The following GOLPH3L variants were observed in gnomAD, a reference collection of about 807,000 sequenced individuals.
GOLPH3L encodes the protein golgi phosphoprotein 3 like.
Under a neutral mutation model 30.3 loss-of-function variants are expected in GOLPH3L, and 22 were observed. The observed-to-expected ratio is 0.73, with a 90% CI of 0.52 to 1.04. The LOEUF is 1.04. Ranked by LOEUF, GOLPH3L falls within the 50% of genes least tolerant of loss-of-function variation. GOLPH3L has a pLI of 0.00. For synonymous variants in GOLPH3L, 120 were observed against 128.2 expected, an observed-to-expected ratio of 0.94 and a Z score of 0.43; for missense variants, 303 against 345.8, an observed-to-expected ratio of 0.88 and a Z score of 0.98.
chr1:150,664,897 G>T (rs1650461012), intron 2 of GOLPH3L, among the ~76,000 whole-genome samples: 3 of 152,006 alleles, frequency 2.0e-5, no homozygotes, highest in Admixed American at 2.0e-4. Flanking sequence ...TGTTATGAGG[G>T]TTACATGAGA....
rs759419804 is a variant in GOLPH3L, at chr1:150,663,648, C to T, written c.299G>A (p.Arg100Gln). 1.5e-5 allele frequency: 25 copies of T among 1,613,090 alleles called. No individual in the cohort carries two copies. Among genetic ancestry groups the T allele is most frequent in the East Asian group, 2.2e-5 (1 of 44,846 alleles). Residue 100 changes from arginine (R) to glutamine (Q), a missense_variant, in exon 3 of 5, where the codon CGA becomes CAA. Arg to Gln is a conservative substitution (Grantham distance 43, BLOSUM62 1). Transcript: ENST00000271732. ...YLEPPTMRKK[R>Q]LLDRKVLLKS... ...ATTCAGTACCTTTCTGTCTAGTAGT[C>T]GCTTCTTACGCATGGTCGGGGGTTC...
intron 2 of GOLPH3L, among the ~76,000 whole-genome samples, chr1:150,689,177 G>A (rs587728385): frequency 6.6e-6 from 1 of 152,158 alleles, no homozygotes; most frequent in South Asian, 2.1e-4. Context: ...TTCACAGTAA[G>A]TAGTAAGTAT....
rs1030119536 is a variant in GOLPH3L at position 150,695,140 on chromosome 1, C to T, written c.-12-290G>A. Among the ~76,000 whole-genome samples the T allele has an allele frequency of 1.1e-4, 17 of 151,764 alleles. 1 individual carries two copies. The highest frequency in any genetic ancestry group is 6.8e-3 in the Middle Eastern group (2 of 294). On this transcript the variant is annotated intron_variant, in intron 1 of 4. Transcript: ENST00000271732. ...CCTGTTGACTTCTTTTTTTCTTTTTCTTCTTCTTTTCTTGAGAGGGAGTCT... is the reference window on the plus strand; with the variant it reads ...CCTGTTGACTTCTTTTTTTCTTTTTTTTCTTCTTTTCTTGAGAGGGAGTCT...
intron 3 of GOLPH3L, among the ~76,000 whole-genome samples, chr1:150,662,254 G>A (rs1650383664): frequency 6.6e-6 from 1 of 152,098 alleles, no homozygotes; most frequent in African/African-American, 2.4e-5. Context: ...GCTCATGCCT[G>A]TAATCTTAGC....
intron 4 of GOLPH3L, among the ~76,000 whole-genome samples, chr1:150,654,529 A>G (rs1427059457): frequency 6.6e-6 from 1 of 152,080 alleles, no homozygotes; most frequent in Admixed American, 6.6e-5. Flanking sequence ...ACAAAAAAAC[A>G]AAAAACGAAA....
At position 150,696,991 on chromosome 1, in the gene GOLPH3L, C is replaced by A. The variant is rs1266458870; in HGVS notation, c.-13+1G>T. 6.6e-6 allele frequency: 1 copy of A among 151,902 alleles called. No individual in the cohort carries two copies. The highest frequency in any genetic ancestry group is 1.9e-4 in the East Asian group (1 of 5,186). The allele number at this position is 151,902 out of a possible 1,614,324, so 9.4% of individuals were successfully genotyped here. On this transcript the variant is annotated splice_donor_variant, in intron 1 of 4. Transcript: ENST00000271732. LOFTEE classifies it low-confidence loss of function (5UTR_SPLICE). ...GGAAATGTAATTTTCTCGTTGCTTA[C>A]CTGATGTTACTCCTGGGTTATGGCT...
intron 4 of GOLPH3L, among the ~76,000 whole-genome samples, chr1:150,660,258 T>C (rs988839661): frequency 6.6e-6 from 1 of 151,688 alleles, no homozygotes; most frequent in African/African-American, 2.4e-5. Context: ...ATGTCTATAA[T>C]TAAAAAAAAG....
intron 1 of GOLPH3L, among the ~76,000 whole-genome samples, chr1:150,696,782 C>T (rs894094994): frequency 6.1e-3 from 12 of 1,966 alleles, no homozygotes; most frequent in Non-Finnish European, 0.012. Flanking sequence ...TAAACCTTCG[C>T]GGGGCAGGGG....
chr1:150,674,143 C>T (rs1426606046), intron 2 of GOLPH3L, among the ~76,000 whole-genome samples: 1 of 151,938 alleles, frequency 6.6e-6, no homozygotes, highest in East Asian at 1.9e-4. Flanking sequence ...ATTTAGCCAT[C>T]TTAAGGGACA....
intron 2 of GOLPH3L, among the ~76,000 whole-genome samples, chr1:150,675,925 C>T (rs966445757): frequency 6.6e-6 from 1 of 151,088 alleles, no homozygotes; most frequent in African/African-American, 2.4e-5. Flanking sequence ...AACACAACCC[C>T]AATTTTTTTT....
intron 4 of GOLPH3L, among the ~76,000 whole-genome samples, chr1:150,651,782 G>A (rs587632495): frequency 6.6e-6 from 1 of 151,054 alleles, no homozygotes; most frequent in African/African-American, 2.4e-5. Context: ...AGAACAAGGA[G>A]AAAAGAGAAT....
intron 4 of GOLPH3L, among the ~76,000 whole-genome samples, chr1:150,651,642 C>CGAAAAAAAAAAAAAAAAAAAAAAAAAACA (rs1650106985): frequency 1.6e-5 from 1 of 60,852 alleles, no homozygotes; most frequent in African/African-American, 7.2e-5. Context: ...GAGCGAAACT[C>CGAAAAAAAAAAAAAAAAAAAAAAAAAACA]AAAAAAAAAA....
At chr1:150,670,496 C>T (rs1480721964) in intron 2 of GOLPH3L, among the ~76,000 whole-genome samples, 2 of 151,852 alleles carry the variant, frequency 1.3e-5, no homozygotes, top group Non-Finnish European at 2.9e-5. Context: ...ACTTGGGAGG[C>T]TGAGGCAGGA....
rs924695113 is a variant in GOLPH3L, at chr1:150,662,364, T to TTAAATAAA, written c.316-444_316-437dup. ...TTTTCTCTATTAAAAAAATAAAAAT[T>TTAAATAAA]TAAATAAATAAATAAATAAATAAAC... On this transcript the variant is annotated intron_variant, in intron 3 of 4. Transcript: ENST00000271732. Among the ~76,000 whole-genome samples, 3 of 151,356 alleles carry TTAAATAAA rather than the reference T, an allele frequency of 2.0e-5. No individual in the cohort carries two copies. The East Asian group carries it at 5.8e-4, about 29-fold the overall frequency.
chr1:150,671,170 A>C (rs1182927660), intron 2 of GOLPH3L, among the ~76,000 whole-genome samples: 2 of 151,848 alleles, frequency 1.3e-5, no homozygotes, highest in African/African-American at 4.8e-5. Flanking sequence ...TGAATCCAGG[A>C]GGCAGAGGCT....
At chr1:150,662,024 G>A in intron 3 of GOLPH3L, 96 bp from the exon 4 acceptor site, 2 of 715,444 alleles carry the variant, frequency 2.8e-6, no homozygotes, top group Non-Finnish European at 5.1e-6. Context: ...GTTAAAAATT[G>A]CAAGAATGTA....
intron 2 of GOLPH3L, among the ~76,000 whole-genome samples, chr1:150,671,070 T>A (rs953056938): frequency 2.0e-5 from 3 of 151,796 alleles, no homozygotes; most frequent in African/African-American, 7.3e-5. Flanking sequence ...TGAAACCCAG[T>A]CTCCACTAAA....
chr1:150,657,573 T>G lies in GOLPH3L; in HGVS notation c.430+4241A>C, dbSNP rs377123110. On this transcript the variant is annotated intron_variant, in intron 4 of 4. Transcript: ENST00000271732. The stretch of plus-strand genomic sequence containing the variant: ...CTTTTCTCACTTTGTCTGGGCTACA[T>G]GCCAAATCAGGAGAGTCTTCTGCCT... Among the ~76,000 whole-genome samples the G allele has an allele frequency of 1.3e-4, 20 of 152,358 alleles. No homozygotes were observed. In the South Asian group the frequency reaches 3.7e-3, roughly 28 times the overall value.
At chr1:150,673,069 CA>C (rs1175577806) in intron 2 of GOLPH3L, among the ~76,000 whole-genome samples, 1 of 151,692 alleles carries the variant, frequency 6.6e-6, no homozygotes, top group African/African-American at 2.4e-5. Flanking sequence ...AAGGGAAATG[CA>C]AAATAAAGGA....
Sources: allele counts gnomAD v4.1 joint callset (sites outside exome capture counted in the v4.1 genomes callset), GRCh38; gene constraint gnomAD v4.1.1; transcripts MANE v1.5; gene names NCBI Gene and HGNC (gene_info 2026-07-23, HGNC 2026-07-21).